CACNA1E: variants seen among roughly 807,000 people sequenced by gnomAD.
CACNA1E encodes calcium voltage-gated channel subunit alpha1 E.
A neutral mutation model predicts 259.2 loss-of-function variants in CACNA1E; 40 were observed. The ratio of observed to expected loss-of-function variants is 0.15; its 90% CI spans 0.12 to 0.20. The LOEUF is 0.20. CACNA1E is among the 10% of genes least tolerant of loss of function. The probability of loss-of-function intolerance (pLI) is 1.00; values close to 1 mark genes in which losing one functional copy is unlikely to be tolerated. For missense variants in CACNA1E, 1,874 were observed against 3,040.1 expected (o/e 0.62, Z 9.02); for synonymous variants, 1,104 against 1,138.5 (o/e 0.97, Z 0.61).
At position 181,455,281 on chromosome 1, in the gene CACNA1E, G is replaced by A. The variant is rs142140791; in HGVS notation, c.435-28463G>A. Among the ~76,000 whole-genome samples, 13 of 152,280 alleles carry A rather than the reference G, an allele frequency of 8.5e-5. No individual in the cohort carries two copies. In the East Asian group the frequency reaches 2.1e-3, roughly 25 times the overall value. On this transcript the variant is annotated intron_variant, in intron 2 of 11. Transcript: ENST00000524607. ...GGTGGGCACAAAAGTCCAGAGTGAAGGGGAGGAGCAATTTTTGAGGAGTGG... is the reference window on the plus strand; with the variant it reads ...GGTGGGCACAAAAGTCCAGAGTGAAAGGGAGGAGCAATTTTTGAGGAGTGG...
chr1:181,493,797 G>A (rs915441543), intron 1 of CACNA1E, among the ~76,000 whole-genome samples: 4 of 152,294 alleles, frequency 2.6e-5, no homozygotes, highest in Admixed American at 2.6e-4. Flanking sequence ...ACAAGCAGAG[G>A]GAATACATGA....
intron 2 of CACNA1E, 51 bp from the exon 3 acceptor site, chr1:181,511,320 C>T (rs1277433980): frequency 1.9e-6 from 3 of 1,605,212 alleles, no homozygotes; most frequent in Admixed American, 1.7e-5. Flanking sequence ...GCCTGTGTCT[C>T]ATAAAGCACA....
At chr1:181,581,294 A>G (rs1389688192) in intron 6 of CACNA1E, among the ~76,000 whole-genome samples, 1 of 152,212 alleles carries the variant, frequency 6.6e-6, no homozygotes, top group Non-Finnish European at 1.5e-5. Context: ...TAGAAAAGTC[A>G]TTGACTTTTC....
chr1:181,595,481 G>A (rs1435617341), intron 6 of CACNA1E, among the ~76,000 whole-genome samples: 1 of 152,178 alleles, frequency 6.6e-6, no homozygotes, highest in African/African-American at 2.4e-5. Flanking sequence ...CCACATCTCT[G>A]TCACAAGCTT....
intron 1 of CACNA1E, among the ~76,000 whole-genome samples, chr1:181,374,602 G>A (rs914423104): frequency 5.7e-5 from 7 of 123,672 alleles, no homozygotes; most frequent in Non-Finnish European, 1.2e-4. Flanking sequence ...AGCTGGGACT[G>A]TAGGTATGTA....
chr1:181,356,200 A>T (rs1486575294), intron 1 of CACNA1E, among the ~76,000 whole-genome samples: 1 of 152,128 alleles, frequency 6.6e-6, no homozygotes, highest in Non-Finnish European at 1.5e-5. Context: ...TTTATTAGGA[A>T]TATTCTAGAT....
At chr1:181,778,763 G>C (rs1373083778) in intron 38 of CACNA1E, among the ~76,000 whole-genome samples, 1 of 152,202 alleles carries the variant, frequency 6.6e-6, no homozygotes, top group African/African-American at 2.4e-5. Flanking sequence ...GCTGCGGGGA[G>C]AGTGTCCATG....
At chr1:181,471,949 C>A (rs1251722127) in intron 2 of CACNA1E, among the ~76,000 whole-genome samples, 1 of 152,066 alleles carries the variant, frequency 6.6e-6, no homozygotes, top group Non-Finnish European at 1.5e-5. Flanking sequence ...GGTATCTGCA[C>A]CCTCATGTTC....
chr1:181,372,832 T>A (rs867007574), intron 1 of CACNA1E, among the ~76,000 whole-genome samples: 48 of 144,798 alleles, frequency 3.3e-4, no homozygotes, highest in African/African-American at 1.2e-3. Context: ...ATATATATTT[T>A]TTTTTTAACA....
chr1:181,604,123 T>G (rs199959), intron 6 of CACNA1E, among the ~76,000 whole-genome samples: 104,916 of 152,060 alleles, frequency 0.69, 39,204 homozygotes, highest in East Asian at 0.95. Context: ...AAGGTCTTTG[T>G]TGACTCCATG....
At chr1:181,566,981 A>T (rs897504332) in intron 3 of CACNA1E, among the ~76,000 whole-genome samples, 1 of 152,084 alleles carries the variant, frequency 6.6e-6, no homozygotes. Context: ...TGCTAAATAC[A>T]CTACTACCAT....
chr1:181,553,246 T>C (rs930319748), intron 3 of CACNA1E, among the ~76,000 whole-genome samples: 4 of 152,186 alleles, frequency 2.6e-5, no homozygotes, highest in Non-Finnish European at 5.9e-5. Context: ...CCTAGGTATC[T>C]TATTCTTTTT....
At chr1:181,631,361 C>T (rs965664577) in intron 6 of CACNA1E, among the ~76,000 whole-genome samples, 2 of 142,546 alleles carry the variant, frequency 1.4e-5, no homozygotes, top group African/African-American at 5.1e-5. Flanking sequence ...CTCTATCCCC[C>T]TCTCTAAATG....
chr1:181,437,972 A>G (rs1660200644), intron 2 of CACNA1E, among the ~76,000 whole-genome samples: 1 of 152,232 alleles, frequency 6.6e-6, no homozygotes, highest in African/African-American at 2.4e-5. Context: ...TCAACTGAAC[A>G]GGTCCAAGGA....
intron 3 of CACNA1E, among the ~76,000 whole-genome samples, chr1:181,571,329 C>CT (rs1036180892): frequency 2.6e-5 from 4 of 151,990 alleles, no homozygotes; most frequent in Non-Finnish European, 5.9e-5. Context: ...GGTCTTAGAC[C>CT]TTTTCCAAGG....
intron 7 of CACNA1E, among the ~76,000 whole-genome samples, chr1:181,686,639 C>T (rs140655849): frequency 5.3e-5 from 8 of 152,278 alleles, no homozygotes; most frequent in Non-Finnish European, 8.8e-5. Context: ...GCCTTTCACA[C>T]TGACTTGCTA....
intron 6 of CACNA1E, among the ~76,000 whole-genome samples, chr1:181,636,653 A>G (rs369220165): frequency 2.2e-4 from 33 of 152,310 alleles, no homozygotes; most frequent in East Asian, 1.4e-3. Context: ...GTGCACCCCA[A>G]TGGAATATAA....
At chr1:181,747,450 ATTTTT>A (rs60393528) in intron 25 of CACNA1E, among the ~76,000 whole-genome samples, 5 of 122,874 alleles carry the variant, frequency 4.1e-5, no homozygotes, top group Non-Finnish European at 5.2e-5. Context: ...AAAATCTGTC[ATTTTT>A]TTTTTTTTTT....
chr1:181,509,871 C>T (rs1666018065), intron 1 of CACNA1E, among the ~76,000 whole-genome samples: 1 of 152,010 alleles, frequency 6.6e-6, no homozygotes, highest in Admixed American at 6.5e-5. Flanking sequence ...GCCTCTCCTT[C>T]CCCCAGAAGT....
Sources: allele counts gnomAD v4.1 joint callset (sites outside exome capture counted in the v4.1 genomes callset), GRCh38; gene constraint gnomAD v4.1.1; transcripts MANE v1.5; gene names NCBI Gene and HGNC (gene_info 2026-07-23, HGNC 2026-07-21).